Variants in AFG2A observed in about 807,000 individuals in gnomAD.
The protein encoded by AFG2A is ATPase family gene 2 protein homolog A.
chr4:123,089,529 T>A, the AFG2A span, among the ~76,000 whole-genome samples: 2 of 152,192 alleles, frequency 1.3e-5, no homozygotes, highest in Non-Finnish European at 2.9e-5. Flanking sequence ...ATTTTGCACA[T>A]TTTGACTGTG....
At chr4:123,193,642 C>G in the AFG2A span, among the ~76,000 whole-genome samples, 5 of 152,132 alleles carry the variant, frequency 3.3e-5, no homozygotes, top group Non-Finnish European at 7.3e-5. Flanking sequence ...TGGAGAAGTT[C>G]ACTAGGTCAG....
chr4:123,148,485 C>T, the AFG2A span, among the ~76,000 whole-genome samples: 50 of 152,316 alleles, frequency 3.3e-4, no homozygotes, highest in African/African-American at 1.2e-3. Flanking sequence ...TGGAGTTGAT[C>T]TGTAGCTAGC....
chr4:122,964,436 G>A, the AFG2A span, among the ~76,000 whole-genome samples: 2 of 150,946 alleles, frequency 1.3e-5, no homozygotes, highest in South Asian at 2.1e-4. Context: ...CCCAGGAGGA[G>A]GAAGTTGCAG....
the AFG2A span, among the ~76,000 whole-genome samples, chr4:123,210,437 G>A: frequency 6.6e-6 from 1 of 152,186 alleles, no homozygotes; most frequent in Non-Finnish European, 1.5e-5. Flanking sequence ...GAGATCATGG[G>A]ATATTTGAAT....
chr4:123,226,905 T>A, the AFG2A span, among the ~76,000 whole-genome samples: 1 of 152,210 alleles, frequency 6.6e-6, no homozygotes. Context: ...ATTGGTCTAT[T>A]CAGAGATTCA....
At chr4:123,022,424 A>G in the AFG2A span, among the ~76,000 whole-genome samples, 1 of 152,078 alleles carries the variant, frequency 6.6e-6, no homozygotes, top group African/African-American at 2.4e-5. Context: ...GCCAAAAGAC[A>G]CATGAAAAAA....
the AFG2A span, among the ~76,000 whole-genome samples, chr4:122,964,262 G>A: frequency 2.6e-5 from 4 of 152,078 alleles, no homozygotes; most frequent in Admixed American, 6.6e-5. Context: ...CCAGCACTTC[G>A]GGAGGCTGAG....
At chr4:123,049,299 G>A in the AFG2A span, among the ~76,000 whole-genome samples, 28 of 151,862 alleles carry the variant, frequency 1.8e-4, no homozygotes, top group African/African-American at 5.3e-4. Flanking sequence ...TGTGTTTATC[G>A]GGGATATTGA....
chr4:123,145,264 T>C, the AFG2A span, among the ~76,000 whole-genome samples: 1,925 of 152,186 alleles, frequency 0.013, 31 homozygotes, highest in Admixed American at 0.034. Context: ...TTTACTCAGT[T>C]GCCCAATTTT....
chr4:122,966,931 A>G, the AFG2A span, among the ~76,000 whole-genome samples: 1 of 152,122 alleles, frequency 6.6e-6, no homozygotes, highest in South Asian at 2.1e-4. Flanking sequence ...TGAATAGATG[A>G]GTTAATATTG....
chr4:123,068,140 A>G, the AFG2A span, among the ~76,000 whole-genome samples: 1 of 152,222 alleles, frequency 6.6e-6, no homozygotes, highest in Non-Finnish European at 1.5e-5. Flanking sequence ...GTCTTATGAA[A>G]TCATTTCATT....
At chr4:123,123,669 C>T in the AFG2A span, among the ~76,000 whole-genome samples, 3 of 151,916 alleles carry the variant, frequency 2.0e-5, no homozygotes, top group African/African-American at 2.4e-5. Context: ...AGGAAACGGC[C>T]GGGCGCGGTG....
At chr4:123,226,099 A>G in the AFG2A span, among the ~76,000 whole-genome samples, 1 of 152,214 alleles carries the variant, frequency 6.6e-6, no homozygotes, top group Non-Finnish European at 1.5e-5. Context: ...TATCAGCTTA[A>G]GGAGACTTTG....
At chr4:123,129,142 TC>T in the AFG2A span, among the ~76,000 whole-genome samples, 1 of 152,182 alleles carries the variant, frequency 6.6e-6, no homozygotes, top group Non-Finnish European at 1.5e-5. Flanking sequence ...CAATTAAAAA[TC>T]TTAAAGGCAA....
the AFG2A span, among the ~76,000 whole-genome samples, chr4:123,127,104 G>A: frequency 2.6e-5 from 4 of 152,122 alleles, no homozygotes; most frequent in Non-Finnish European, 4.4e-5. Context: ...GGAGGTTGAG[G>A]CAGGAGGATT....
the AFG2A span, among the ~76,000 whole-genome samples, chr4:123,017,237 G>C: frequency 2.2e-5 from 3 of 137,318 alleles, no homozygotes; most frequent in African/African-American, 8.5e-5. Context: ...AGAGGGAAAG[G>C]GAGAGGGAGA....
the AFG2A span, among the ~76,000 whole-genome samples, chr4:123,194,457 C>T: frequency 6.6e-6 from 1 of 152,216 alleles, no homozygotes; most frequent in Admixed American, 6.5e-5. Context: ...GAGAAAAAAA[C>T]TCACTGAAGC....
At chr4:122,932,107 A>G in the AFG2A span, among the ~76,000 whole-genome samples, 3 of 151,742 alleles carry the variant, frequency 2.0e-5, no homozygotes, top group African/African-American at 7.3e-5. Context: ...CCTCTACAAA[A>G]AATATATATG....
At chr4:123,223,521 A>T in the AFG2A span, among the ~76,000 whole-genome samples, 1 of 152,196 alleles carries the variant, frequency 6.6e-6, no homozygotes. Flanking sequence ...GAAACTTCCA[A>T]TCATGGCAGA....
Sources: allele counts gnomAD v4.1 joint callset (sites outside exome capture counted in the v4.1 genomes callset), GRCh38; gene constraint gnomAD v4.1.1; transcripts MANE v1.5; gene names NCBI Gene and HGNC (gene_info 2026-07-23, HGNC 2026-07-21).